FUT8: variants seen among roughly 807,000 people sequenced by gnomAD.
The protein encoded by FUT8 is fucosyltransferase 8, also known as alpha-(1,6)-fucosyltransferase.
Under a neutral mutation model 71.3 loss-of-function variants are expected in FUT8, and 29 were observed. The observed-to-expected ratio is 0.41, with a 90% confidence interval of 0.30 to 0.55. FUT8 has a LOEUF of 0.55. Ranked by LOEUF, FUT8 falls within the 20% of genes least tolerant of loss-of-function variation. The pLI is 0.34. For missense variants in FUT8, 544 were observed against 702.1 expected (o/e 0.77, Z 2.55); for synonymous variants, 254 against 239.3 (o/e 1.06, Z -0.57).
chr14:65,556,360 G>A (rs1885586557), intron 2 of FUT8, among the ~76,000 whole-genome samples: 1 of 152,140 alleles, frequency 6.6e-6, no homozygotes, highest in East Asian at 1.9e-4. Context: ...CTGGTCATTG[G>A]CGGGATTCAA....
intron 5 of FUT8, among the ~76,000 whole-genome samples, chr14:65,621,475 C>T (rs905049045): frequency 3.3e-5 from 5 of 152,030 alleles, no homozygotes; most frequent in Admixed American, 6.5e-5. Context: ...GTTTCGATCT[C>T]TTGACCTTGT....
At chr14:65,590,142 T>C (rs2078272845) in intron 3 of FUT8, among the ~76,000 whole-genome samples, 1 of 152,210 alleles carries the variant, frequency 6.6e-6, no homozygotes, top group Admixed American at 6.5e-5. Context: ...TTACTTGATT[T>C]TGTCCTTATA....
intron 7 of FUT8, among the ~76,000 whole-genome samples, chr14:65,683,792 G>A (rs912824216): frequency 6.6e-6 from 1 of 152,018 alleles, no homozygotes; most frequent in African/African-American, 2.4e-5. Flanking sequence ...AGCATCCATT[G>A]TATGAATAAT....
At chr14:65,685,777 G>A (rs1893258094) in intron 7 of FUT8, among the ~76,000 whole-genome samples, 2 of 152,160 alleles carry the variant, frequency 1.3e-5, no homozygotes, top group Non-Finnish European at 2.9e-5. Context: ...CATGGCATTT[G>A]TAAACTGTCA....
chr14:65,521,026 G>A (rs148434057), intron 2 of FUT8, among the ~76,000 whole-genome samples: 1,842 of 152,024 alleles, frequency 0.012, 15 homozygotes, highest in Middle Eastern at 0.024. Context: ...GCCCATTCCA[G>A]TTTAATGAAT....
chr14:65,702,458 A>C (rs1894350905), intron 7 of FUT8, among the ~76,000 whole-genome samples: 1 of 152,212 alleles, frequency 6.6e-6, no homozygotes, highest in South Asian at 2.1e-4. Context: ...GGTTCTCAAT[A>C]ACTGTTAGCT....
the FUT8 span, among the ~76,000 whole-genome samples, chr14:65,362,475 A>G: frequency 1.4e-4 from 21 of 152,194 alleles, no homozygotes; most frequent in South Asian, 4.2e-4. Flanking sequence ...CAGGAGTTCG[A>G]GGCCAGCCTG....
At chr14:65,604,044 A>G (rs1055582350) in intron 3 of FUT8, among the ~76,000 whole-genome samples, 1 of 151,752 alleles carries the variant, frequency 6.6e-6, no homozygotes, top group African/African-American at 2.4e-5. Flanking sequence ...CTAAACATAT[A>G]CAAGGCCTTG....
intron 1 of FUT8, among the ~76,000 whole-genome samples, chr14:65,452,811 G>A (rs554332112): frequency 2.4e-4 from 36 of 152,196 alleles, no homozygotes; most frequent in Non-Finnish European, 3.5e-4. Context: ...GGTATGTCAG[G>A]TAGAGGACTT....
At chr14:65,381,934 C>T in the FUT8 span, among the ~76,000 whole-genome samples, 1 of 152,190 alleles carries the variant, frequency 6.6e-6, no homozygotes, top group Admixed American at 6.5e-5. Flanking sequence ...GAGTAGTCTA[C>T]ACTCTCTCCC....
the FUT8 span, among the ~76,000 whole-genome samples, chr14:65,364,076 C>T: frequency 6.6e-6 from 1 of 152,198 alleles, no homozygotes; most frequent in Non-Finnish European, 1.5e-5. Context: ...AATAAGTTGA[C>T]TCTGAACAGA....
chr14:65,668,896 G>T (rs1466197963), intron 6 of FUT8, among the ~76,000 whole-genome samples: 1 of 152,274 alleles, frequency 6.6e-6, no homozygotes, highest in South Asian at 2.1e-4. Flanking sequence ...GGATGGAGCT[G>T]GAGGCCATTA....
At chr14:65,528,562 C>T (rs576766301) in intron 2 of FUT8, among the ~76,000 whole-genome samples, 1 of 152,290 alleles carries the variant, frequency 6.6e-6, no homozygotes, top group African/African-American at 2.4e-5. Flanking sequence ...TGTCCTGCAT[C>T]CACTGTCTGA....
chr14:65,539,535 C>T (rs918697618), intron 2 of FUT8, among the ~76,000 whole-genome samples: 5 of 152,052 alleles, frequency 3.3e-5, no homozygotes, highest in Admixed American at 6.5e-5. Flanking sequence ...AAAGTATGTA[C>T]GACTCTGGGC....
intron 3 of FUT8, among the ~76,000 whole-genome samples, chr14:65,582,033 T>A (rs1316508925): frequency 6.6e-6 from 1 of 152,310 alleles, no homozygotes; most frequent in East Asian, 1.9e-4. Context: ...CTGTAAGTCA[T>A]GGTGTTGAAT....
chr14:65,709,456 C>A (rs1159620812), intron 7 of FUT8, among the ~76,000 whole-genome samples: 1 of 152,028 alleles, frequency 6.6e-6, no homozygotes, highest in Admixed American at 6.6e-5. Flanking sequence ...TTCAATCTTT[C>A]TGATTACATC....
Position 65,699,909 on chromosome 14 carries a change from T to C in FUT8, c.836-21866T>C, listed in dbSNP as rs879589758. Among the ~76,000 whole-genome samples, 16 of 152,330 alleles carry C rather than the reference T, an allele frequency of 1.1e-4. No individual in the cohort carries two copies. The East Asian group carries it at 2.9e-3, about 28-fold the overall frequency. ...ACTCCAGTATTCTTTATGAATTATA[T>C]ATTCTAGTCTAACCCAGCAGGTAGC... On this transcript the variant is annotated intron_variant, in intron 7 of 10. Coordinates refer to ENST00000673929, the MANE Select transcript of FUT8 (RefSeq NM_001371533.1).
At chr14:65,528,133 C>G (rs567450026) in intron 2 of FUT8, among the ~76,000 whole-genome samples, 1 of 152,338 alleles carries the variant, frequency 6.6e-6, no homozygotes, top group East Asian at 1.9e-4. Flanking sequence ...TTCGGCTATG[C>G]CCTGTCCACA....
chr14:65,397,430 T>A, the FUT8 span, among the ~76,000 whole-genome samples: 1 of 152,198 alleles, frequency 6.6e-6, no homozygotes, highest in South Asian at 2.1e-4. This position sits in a 1 kb window ranked among gnomAD's most constrained non-coding sequence, Gnocchi z 4.2. Flanking sequence ...TTCATTATAA[T>A]GATGATGAGA....
Sources: gnomAD v4.1 joint callset for allele counts (sites outside exome capture counted in the v4.1 genomes callset) on GRCh38, gnomAD v4.1.1 for gene constraint, Gnocchi (gnomAD v3.1) non-coding constraint, MANE v1.5 for transcripts, NCBI Gene and HGNC (gene_info 2026-07-23, HGNC 2026-07-21) for gene names.